HIVEP2: variants seen among roughly 807,000 people sequenced by gnomAD.
HIVEP2 encodes transcription factor HIVEP2.
Under a neutral mutation model 180.7 loss-of-function variants are expected in HIVEP2, and 14 were observed. The ratio of observed to expected loss-of-function variants is 0.08; its 90% CI spans 0.05 to 0.12. HIVEP2 has a LOEUF of 0.12. Ranked by LOEUF, HIVEP2 falls within the 10% of genes least tolerant of loss-of-function variation. The pLI is 1.00. For missense variants in HIVEP2, 2,579 were observed against 3,008.5 expected, an observed-to-expected ratio of 0.86 and a Z score of 3.34; for synonymous variants, 1,184 against 1,136.4, an observed-to-expected ratio of 1.04 and a Z score of -0.84.
At chr6:142,903,539 CTATGT>C (rs1777184773) in intron 1 of HIVEP2, among the ~76,000 whole-genome samples, 1 of 152,128 alleles carries the variant, frequency 6.6e-6, no homozygotes, top group Non-Finnish European at 1.5e-5. Context: ...AATGTTATAA[CTATGT>C]TATAATACTA....
chr6:142,818,020 C>T (rs9403407), intron 2 of HIVEP2, among the ~76,000 whole-genome samples: 83,427 of 148,534 alleles, frequency 0.56, 25,310 homozygotes, highest in Non-Finnish European at 0.68. Flanking sequence ...AAAAAAAAAA[C>T]AAGTAAAATA....
At chr6:142,889,027 T>C (rs1038331034) in intron 1 of HIVEP2, among the ~76,000 whole-genome samples, 2 of 152,152 alleles carry the variant, frequency 1.3e-5, no homozygotes, top group Non-Finnish European at 2.9e-5. Context: ...TAATTTTTCA[T>C]TTATGTGTTC....
At chr6:142,866,561 T>C (rs1025570787) in intron 1 of HIVEP2, among the ~76,000 whole-genome samples, 2 of 152,102 alleles carry the variant, frequency 1.3e-5, no homozygotes, top group Non-Finnish European at 2.9e-5. Flanking sequence ...CATGTCAAAG[T>C]GCCTACCTTT....
chr6:142,792,263 A>G (rs1776156211), intron 2 of HIVEP2, among the ~76,000 whole-genome samples: 1 of 152,224 alleles, frequency 6.6e-6, no homozygotes, highest in Non-Finnish European at 1.5e-5. Flanking sequence ...TATAGCCTGA[A>G]AAAGAATAAA....
intron 1 of HIVEP2, among the ~76,000 whole-genome samples, chr6:142,857,218 G>GAA (rs534174184): frequency 7.9e-6 from 1 of 127,028 alleles, no homozygotes; most frequent in Non-Finnish European, 1.7e-5. Flanking sequence ...GAGCAAATTA[G>GAA]AAAAAAAAAA....
At chr6:142,838,199 A>C (rs1775274222) in intron 1 of HIVEP2, among the ~76,000 whole-genome samples, 1 of 152,166 alleles carries the variant, frequency 6.6e-6, no homozygotes, top group East Asian at 1.9e-4. Context: ...GTAACTATAC[A>C]TACTAACTAG....
chr6:142,882,152 T>C (rs1179708099), intron 1 of HIVEP2, among the ~76,000 whole-genome samples: 1 of 152,216 alleles, frequency 6.6e-6, no homozygotes, highest in Non-Finnish European at 1.5e-5. Context: ...CAATACAATG[T>C]GTAATTTTGA....
intron 1 of HIVEP2, among the ~76,000 whole-genome samples, chr6:142,898,729 T>C (rs1371998054): frequency 2.0e-5 from 3 of 152,130 alleles, no homozygotes; most frequent in Non-Finnish European, 4.4e-5. Context: ...GGCCTGCTCA[T>C]CTTCCTTATC....
chr6:142,773,361 G>A lies in HIVEP2; in HGVS notation c.1378C>T (p.Pro460Ser). ...MGRKGIMEPL[P>S]HVNTRLDVKM... The stretch of plus-strand genomic sequence containing the variant: ...ACATCTAACCTGGTGTTAACGTGAG[G>A]TAATGGTTCCATTATGCCCTTCCTA... Residue 460 changes from proline to serine, a missense_variant, in exon 5 of 10, where the codon CCT becomes TCT. Coordinates refer to ENST00000367603, the MANE Select transcript of HIVEP2 (RefSeq NM_006734.4). 6.2e-7 allele frequency: 1 copy of A among 1,614,150 alleles called. No individual in the cohort carries two copies. Among genetic ancestry groups the A allele is most frequent in the Non-Finnish European group, 8.5e-7 (1 of 1,180,016 alleles).
intron 1 of HIVEP2, among the ~76,000 whole-genome samples, chr6:142,884,938 C>T (rs897831914): frequency 6.6e-6 from 1 of 152,022 alleles, no homozygotes; most frequent in African/African-American, 2.4e-5. Flanking sequence ...AAGAGGTGCA[C>T]GTTAACTTTC....
At chr6:142,799,923 A>G (rs1243388311) in intron 2 of HIVEP2, among the ~76,000 whole-genome samples, 1 of 152,190 alleles carries the variant, frequency 6.6e-6, no homozygotes, top group Non-Finnish European at 1.5e-5. Flanking sequence ...AAAGCCATAT[A>G]TCACTTAATG....
intron 2 of HIVEP2, among the ~76,000 whole-genome samples, chr6:142,819,136 A>G (rs1562249490): frequency 6.6e-6 from 1 of 152,092 alleles, no homozygotes; most frequent in Non-Finnish European, 1.5e-5. Flanking sequence ...TGGGAGGCTG[A>G]GGCAGGAGGG....
intron 2 of HIVEP2, among the ~76,000 whole-genome samples, chr6:142,831,612 A>T (rs1775084094): frequency 1.3e-5 from 2 of 152,078 alleles, no homozygotes; most frequent in African/African-American, 4.8e-5. Flanking sequence ...ATCTCATTAA[A>T]TTTTTTCAGA....
At chr6:142,871,614 A>G (rs1372379979) in intron 1 of HIVEP2, among the ~76,000 whole-genome samples, 1 of 140,390 alleles carries the variant, frequency 7.1e-6, no homozygotes, top group Non-Finnish European at 1.6e-5. Flanking sequence ...AATAGATCAG[A>G]AGTAAAAAAA....
chr6:142,783,719 G>T (rs1178916346), intron 2 of HIVEP2, 104 bp from the exon 3 acceptor site: 1 of 150,986 alleles, frequency 6.6e-6, no homozygotes, highest in Admixed American at 6.6e-5. Flanking sequence ...CTTTAGGAAA[G>T]AAAATTTGGA....
At chr6:142,796,006 A>G (rs1053652804) in intron 2 of HIVEP2, among the ~76,000 whole-genome samples, 2 of 152,142 alleles carry the variant, frequency 1.3e-5, no homozygotes. Context: ...CCACCACTCT[A>G]TGGGGGAGCC....
chr6:142,874,927 A>G (rs1417568977), intron 1 of HIVEP2, among the ~76,000 whole-genome samples: 1 of 152,134 alleles, frequency 6.6e-6, no homozygotes, highest in Non-Finnish European at 1.5e-5. Context: ...AAATTCTTTA[A>G]GTGCTTCCTA....
chr6:142,931,581 C>T (rs921547423), intron 1 of HIVEP2, among the ~76,000 whole-genome samples: 1 of 152,014 alleles, frequency 6.6e-6, no homozygotes, highest in African/African-American at 2.4e-5. Context: ...AGTCACTATC[C>T]TTGAGATTGC....
rs1248488995 is a variant in HIVEP2, at chr6:142,773,129, G to A, written c.1610C>T (p.Ser537Phe). Reference sequence around the variant, plus strand: ...TGAGTTGCTTCTAATAAGGGGTGAAGAGTCTACAGGAGCTTCTAAGAGAAC... The same window carrying A: ...TGAGTTGCTTCTAATAAGGGGTGAAAAGTCTACAGGAGCTTCTAAGAGAAC... ...NPVLLEAPVD[S>F]SPLIRSNSVP... Residue 537 changes from serine (S) to phenylalanine (F), a missense_variant, in exon 5 of 10, where the codon TCT becomes TTT. Ser to Phe is a radical substitution (Grantham distance 155, BLOSUM62 -2). Around this residue, in one of 11 missense-constraint regions of HIVEP2, gnomAD observed 524 missense variants for 563.6 expected, o/e 0.93. Coordinates refer to ENST00000367603, the MANE Select transcript of HIVEP2 (RefSeq NM_006734.4). 2 of 1,614,106 alleles carry A rather than the reference G, an allele frequency of 1.2e-6. No homozygotes were observed. The highest frequency in any genetic ancestry group is 1.7e-6 in the Non-Finnish European group (2 of 1,180,038).
Sources: gnomAD v4.1 joint callset for allele counts (sites outside exome capture counted in the v4.1 genomes callset) on GRCh38, gnomAD v4.1.1 for gene constraint, gnomAD v4.1.1 regional missense constraint, MANE v1.5 for transcripts, NCBI Gene and HGNC (gene_info 2026-07-23, HGNC 2026-07-21) for gene names.